Variants in CDH4 observed in about 807,000 individuals in gnomAD.
CDH4 encodes the protein cadherin 4.
CDH4 carries 33 observed loss-of-function variants against 86.0 expected under a neutral mutation model. The observed-to-expected ratio is 0.38, with a 90% CI of 0.29 to 0.51. CDH4 has a LOEUF of 0.51. CDH4 is among the 20% of genes least tolerant of loss of function. The pLI is 0.86. For synonymous variants in CDH4, 555 were observed against 549.4 expected (o/e 1.01, Z -0.14); for missense variants, 1,114 against 1,307.4 (o/e 0.85, Z 2.28).
At chr20:61,803,700 T>C (rs1404126105) in intron 4 of CDH4, among the ~76,000 whole-genome samples, 2 of 152,038 alleles carry the variant, frequency 1.3e-5, no homozygotes, top group African/African-American at 2.4e-5. Context: ...CCAAGGGAGG[T>C]TGGAAGGAAA....
chr20:61,674,483 C>A (rs1197281836), intron 2 of CDH4, among the ~76,000 whole-genome samples: 2 of 152,172 alleles, frequency 1.3e-5, no homozygotes, highest in Non-Finnish European at 2.9e-5. Flanking sequence ...GCAGGAGAAG[C>A]CGGCTGCTCA....
chr20:61,319,038 T>C (rs2084493602), intron 2 of CDH4, among the ~76,000 whole-genome samples: 1 of 152,222 alleles, frequency 6.6e-6, no homozygotes, highest in Non-Finnish European at 1.5e-5. Flanking sequence ...AACAGATGAC[T>C]TAGTTTCCAC....
intron 2 of CDH4, among the ~76,000 whole-genome samples, chr20:61,622,746 C>T (rs756697959): frequency 1.3e-4 from 20 of 152,196 alleles, no homozygotes; most frequent in Non-Finnish European, 1.9e-4. Context: ...TACCTGCATC[C>T]GTGGTCTCTG....
chr20:61,667,706 G>A (rs967981707), intron 2 of CDH4, among the ~76,000 whole-genome samples: 1 of 152,188 alleles, frequency 6.6e-6, no homozygotes, highest in East Asian at 1.9e-4. Context: ...GCAATGGAAG[G>A]GGTCGGGCTG....
At position 61,580,649 on chromosome 20, in the gene CDH4, A is replaced by T. The variant is rs549133185; in HGVS notation, c.170-162914A>T. Reference sequence around the variant, plus strand: ...TTCAGGTTGACGCTCTAGGGGGGGAAATTAGCCCCCTTATGACTCCTGCTG... The same window carrying T: ...TTCAGGTTGACGCTCTAGGGGGGGATATTAGCCCCCTTATGACTCCTGCTG... On this transcript the variant is annotated intron_variant, in intron 2 of 15. Transcript: ENST00000614565. Among the ~76,000 whole-genome samples, 59 of 152,242 alleles carry T rather than the reference A, an allele frequency of 3.9e-4. No individual in the cohort carries two copies. The East Asian group carries it at 5.2e-3, about 14-fold the overall frequency.
chr20:61,764,672 C>G (rs2088678003), intron 3 of CDH4, among the ~76,000 whole-genome samples: 1 of 152,240 alleles, frequency 6.6e-6, no homozygotes, highest in Non-Finnish European at 1.5e-5. Flanking sequence ...TCCGCCCCAT[C>G]AGTGGCAGTT....
chr20:61,331,111 T>C (rs6124084), intron 2 of CDH4, among the ~76,000 whole-genome samples: 83,848 of 151,934 alleles, frequency 0.55, 23,170 homozygotes, highest in East Asian at 0.68. Context: ...GGAGGATCTC[T>C]GCCAGGGCTG....
rs1234339626 is a variant in CDH4, at chr20:61,480,548, C to T, written c.169+225611C>T. Reference sequence around the variant, plus strand: ...AGCCAGGCCCCTCCCTTCCCAGTGGCAGCGAATCCCCGTCCTGACCGGGGC... The same window carrying T: ...AGCCAGGCCCCTCCCTTCCCAGTGGTAGCGAATCCCCGTCCTGACCGGGGC... On this transcript the variant is annotated intron_variant, in intron 2 of 15. Transcript: ENST00000614565. The surrounding 1 kb of genome is among the most constrained non-coding windows in gnomAD (Gnocchi z 5.2). Among the ~76,000 whole-genome samples the T allele has an allele frequency of 6.6e-6, 1 of 152,214 alleles. No homozygotes were observed. Among genetic ancestry groups the T allele is most frequent in the Non-Finnish European group, 1.5e-5 (1 of 68,026 alleles).
chr20:61,846,139 G>T (rs1283473432), intron 5 of CDH4, among the ~76,000 whole-genome samples: 1 of 152,224 alleles, frequency 6.6e-6, no homozygotes, highest in African/African-American at 2.4e-5. Flanking sequence ...ATGGATCCTG[G>T]GGAGCCCACT....
intron 2 of CDH4, among the ~76,000 whole-genome samples, chr20:61,640,646 A>G (rs1317589065): frequency 6.6e-6 from 1 of 152,178 alleles, no homozygotes; most frequent in African/African-American, 2.4e-5. Context: ...TTCGAGACGG[A>G]CTGGAGATGC....
intron 3 of CDH4, among the ~76,000 whole-genome samples, chr20:61,753,299 C>T (rs2088521596): frequency 6.6e-6 from 1 of 152,176 alleles, no homozygotes; most frequent in Non-Finnish European, 1.5e-5. Flanking sequence ...GTGCCGCCTC[C>T]TCTGTCCATT....
chr20:61,735,484 C>G (rs548428965), intron 2 of CDH4, among the ~76,000 whole-genome samples: 23 of 152,102 alleles, frequency 1.5e-4, no homozygotes, highest in Non-Finnish European at 2.4e-4. Context: ...CCTGCAGGGA[C>G]CACAGCCCAG....
chr20:61,356,590 C>G (rs2084751797), intron 2 of CDH4, among the ~76,000 whole-genome samples: 1 of 152,164 alleles, frequency 6.6e-6, no homozygotes, highest in African/African-American at 2.4e-5. Flanking sequence ...AAATATTCAG[C>G]CAGAATTTGA....
At chr20:61,613,258 T>C (rs1299733671) in intron 2 of CDH4, among the ~76,000 whole-genome samples, 2 of 152,068 alleles carry the variant, frequency 1.3e-5, no homozygotes, top group African/African-American at 2.4e-5. Context: ...TTTAAAGTCG[T>C]TTAAAGACCA....
At position 61,929,220 on chromosome 20, in the gene CDH4, C is replaced by G. The variant is rs1477397771; in HGVS notation, c.2006-389C>G. On this transcript the variant is annotated intron_variant, in intron 12 of 15. Transcript: ENST00000614565. ...CAGTGGCACAATCTCAGCTCTGCAACTCCACCTCCCAGGTTCAAGCAATTC... is the reference window on the plus strand; with the variant it reads ...CAGTGGCACAATCTCAGCTCTGCAAGTCCACCTCCCAGGTTCAAGCAATTC... 2.0e-5 allele frequency among the ~76,000 whole-genome samples: 3 copies of G among 151,714 alleles called. 1 individual carries two copies. Among genetic ancestry groups the G allele is most frequent in the Non-Finnish European group, 4.4e-5 (3 of 68,026 alleles).
chr20:61,493,350 C>A (rs887624425), intron 2 of CDH4, among the ~76,000 whole-genome samples: 1 of 152,198 alleles, frequency 6.6e-6, no homozygotes, highest in African/African-American at 2.4e-5. Context: ...TTCTCCTGGA[C>A]AATGCCCACA....
intron 4 of CDH4, among the ~76,000 whole-genome samples, chr20:61,822,771 C>T (rs1981114539): frequency 6.6e-6 from 1 of 152,216 alleles, no homozygotes; most frequent in African/African-American, 2.4e-5. Context: ...CATCAAAAGG[C>T]CAGCTGCCCA....
rs2055069247 is a variant in CDH4 at position 61,928,353 on chromosome 20, C to T, written c.1935C>T (p.Gly645=). 3 of 1,611,644 alleles carry T rather than the reference C, an allele frequency of 1.9e-6. No individual in the cohort carries two copies. The highest frequency in any genetic ancestry group is 1.3e-5 in the African/African-American group (1 of 75,072). ...ACGCTGACGTCGACCCCAACATCGG[C>T]CCCTACGTCTTCGAGCTGCCCTTTG... ...AADADVDPNI[G]PYVFELPFVP... Residue 645 remains glycine, a synonymous_variant, in exon 12 of 16, where the codon GGC becomes GGT. Coordinates refer to ENST00000614565, the MANE Select transcript of CDH4 (RefSeq NM_001794.5).
chr20:61,721,789 T>C (rs539780850), intron 2 of CDH4, among the ~76,000 whole-genome samples: 7 of 152,268 alleles, frequency 4.6e-5, no homozygotes, highest in African/African-American at 1.7e-4. Flanking sequence ...TTACCAGCTT[T>C]TTTCCCCAGC....
Sources: allele counts gnomAD v4.1 joint callset (sites outside exome capture counted in the v4.1 genomes callset), GRCh38; gene constraint gnomAD v4.1.1; non-coding constraint Gnocchi (gnomAD v3.1); transcripts MANE v1.5; gene names NCBI Gene and HGNC (gene_info 2026-07-23, HGNC 2026-07-21).